OARD1: variants seen among roughly 807,000 people sequenced by gnomAD.
OARD1 encodes O-acyl-ADP-ribose deacylase 1.
A neutral mutation model predicts 19.7 loss-of-function variants in OARD1; 19 were observed. That is an observed-to-expected ratio of 0.96 (90% CI 0.67 to 1.41). OARD1 has a LOEUF of 1.41. Among genes scored for constraint, OARD1 ranks in the 40% most tolerant of loss-of-function variants. OARD1 has a pLI of 0.00. For synonymous variants in OARD1, 70 were observed against 61.8 expected, an observed-to-expected ratio of 1.13 and a Z score of -0.62; for missense variants, 190 against 183.8, an observed-to-expected ratio of 1.03 and a Z score of -0.20.
At position 41,079,305 on chromosome 6, in the gene OARD1, A is replaced by G. The variant is rs535686699; in HGVS notation, c.-41-7630T>C. ...ATTGGGTCTGATGGCTTGTGCTGAA[A>G]TGCCATGTCTAGCCCATGACCACTT... On this transcript the variant is annotated intron_variant, in intron 1 of 4. Transcript: ENST00000480585. 2.8e-5 allele frequency: 21 copies of G among 747,756 alleles called. No homozygotes were observed. The Admixed American group carries it at 2.9e-4, about 10-fold the overall frequency. The allele number at this position is 747,756 out of a possible 1,614,324, so 46.3% of individuals were successfully genotyped here.
At chr6:41,084,108 A>C in intron 1 of OARD1, 1 of 1,614,170 alleles carries the variant, frequency 6.2e-7, no homozygotes, top group East Asian at 2.2e-5. Context: ...CAACTGGCCA[A>C]CCCATCATGG....
rs187977750 is a variant in OARD1 at position 41,097,685 on chromosome 6, C to A, written c.-42+28G>T. 2.9e-3 allele frequency: 1,063 copies of A among 366,740 alleles called. 29 individuals are homozygous for A. The South Asian group carries it at 0.032, about 11-fold the overall frequency. The allele number at this position is 366,740 out of a possible 1,614,324, so 22.7% of individuals were successfully genotyped here. On this transcript the variant is annotated intron_variant, in intron 1 of 4. Transcript: ENST00000480585. ...TTCGGATGATGCAAGGAGACACATG[C>A]CACCCCAGCAGTACACAAAGCACTT... is the stretch of plus-strand genomic sequence containing the variant.
chr6:41,091,765 T>G, intron 1 of OARD1: 4 of 1,548,898 alleles, frequency 2.6e-6, no homozygotes, highest in East Asian at 2.2e-5. Flanking sequence ...CTCCTAAAAT[T>G]TATTATGTTG....
Position 41,070,074 on chromosome 6 carries a change from A to C in OARD1, c.243+2T>G, listed in dbSNP as rs1582002962. On this transcript the variant is annotated splice_donor_variant, in intron 4 of 5. Coordinates refer to ENST00000424266, the MANE Select transcript of OARD1 (RefSeq NM_001329686.2). LOFTEE classifies it high-confidence loss of function. ...AAAAAAAAGGAATTGGCCCCATCTT[A>C]CCAAGTAATATATATATCGCCCATC... is the stretch of plus-strand genomic sequence containing the variant. The C allele has an allele frequency of 6.3e-7, 1 of 1,575,648 alleles. No individual in the cohort carries two copies. The highest frequency in any genetic ancestry group is 1.1e-5 in the South Asian group (1 of 90,128).
At chr6:41,082,096 G>A (rs1251670472) in intron 1 of OARD1, among the ~76,000 whole-genome samples, 4 of 152,166 alleles carry the variant, frequency 2.6e-5, no homozygotes, top group Admixed American at 6.5e-5. Context: ...CTAGAATGTA[G>A]AACTGGCATC....
upstream of OARD1, among the ~76,000 whole-genome samples, chr6:41,074,457 T>C (rs895778276): frequency 1.3e-5 from 2 of 152,256 alleles, no homozygotes; most frequent in Non-Finnish European, 2.9e-5. Context: ...GTTCAGTTGC[T>C]GTGAAGTATC....
chr6:41,068,644 T>C (rs879034034), intron 5 of OARD1, among the ~76,000 whole-genome samples, 197 bp downstream of exon 5: 1 of 152,272 alleles, frequency 6.6e-6, no homozygotes, highest in South Asian at 2.1e-4. Flanking sequence ...TCCTGATTCA[T>C]TCAACTCAAG....
At chr6:41,097,487 A>T (rs1414088441) in intron 1 of OARD1, 2 of 1,458,802 alleles carry the variant, frequency 1.4e-6, no homozygotes, top group Non-Finnish European at 1.9e-6. Context: ...TTCCAATGGG[A>T]CATTGATGAT....
In OARD1 at chr6:41,091,447, T is replaced by C. The variant is rs556300934; in HGVS notation, c.-42+6266A>G. 15 of 1,403,406 alleles carry C rather than the reference T, an allele frequency of 1.1e-5. No individual in the cohort carries two copies. The East Asian group carries it at 1.2e-4, about 11-fold the overall frequency. The allele number at this position is 1,403,406 out of a possible 1,614,324, so 86.9% of individuals were successfully genotyped here. ...CCAGGATCGGTGAGTGTATACCAGA[T>C]AGAAGAGGGACTAACTATGTTCCCT... is the stretch of plus-strand genomic sequence containing the variant. On this transcript the variant is annotated intron_variant, in intron 1 of 4. Coordinates refer to the OARD1 transcript ENST00000480585.
chr6:41,095,284 CTCTAT>C (rs1266344454), intron 1 of OARD1, among the ~76,000 whole-genome samples: 1 of 152,196 alleles, frequency 6.6e-6, no homozygotes, highest in Non-Finnish European at 1.5e-5. Context: ...ACTTCTTGGT[CTCTAT>C]GCTGCTGTTT....
At chr6:41,080,308 A>T (rs1432963030) in intron 1 of OARD1, among the ~76,000 whole-genome samples, 2 of 149,740 alleles carry the variant, frequency 1.3e-5, no homozygotes, top group East Asian at 1.9e-4. Flanking sequence ...AATAAAGTTT[A>T]AAAAAAAAAG....
rs1450676745 is a variant in OARD1, at chr6:41,065,993, C to T, written c.*1342G>A. 3 of 152,252 alleles carry T rather than the reference C, an allele frequency of 2.0e-5. No individual in the cohort carries two copies. The highest frequency in any genetic ancestry group is 7.2e-5 in the African/African-American group (3 of 41,464). 9.4% of individuals were successfully genotyped at this position (152,252 alleles called of 1,614,324 possible). A position where few individuals can be genotyped will look rare whatever the true frequency, so the allele number is the denominator to read the frequency against. Reference sequence around the variant, plus strand: ...TAAATCCATGAACTTTATTTTCCTACCATGACCACAATAGACGACTGGTCT... The same window carrying T: ...TAAATCCATGAACTTTATTTTCCTATCATGACCACAATAGACGACTGGTCT... On this transcript the variant is annotated 3_prime_UTR_variant, in exon 6 of 6. Transcript: ENST00000424266.
At chr6:41,092,060 G>A (rs914688392) in intron 1 of OARD1, among the ~76,000 whole-genome samples, 2 of 152,256 alleles carry the variant, frequency 1.3e-5, no homozygotes, top group South Asian at 4.1e-4. Flanking sequence ...TAGAAAGATT[G>A]TAATTGATAG....
chr6:41,079,890 G>C (rs533390796), intron 1 of OARD1, among the ~76,000 whole-genome samples: 1 of 152,284 alleles, frequency 6.6e-6, no homozygotes, highest in Admixed American at 6.5e-5. Context: ...GGAAGGGAAA[G>C]GTAGTATTGA....
upstream of OARD1, among the ~76,000 whole-genome samples, chr6:41,074,982 T>C (rs532404767): frequency 1.8e-3 from 281 of 152,356 alleles, 1 homozygote; most frequent in Middle Eastern, 6.8e-3. Context: ...GTTATACAAC[T>C]AATAGGTTTC....
chr6:41,094,365 A>C, intron 1 of OARD1: 1 of 1,579,994 alleles, frequency 6.3e-7, no homozygotes, highest in Non-Finnish European at 8.7e-7. Context: ...GGATAGTATT[A>C]ATAGTTAAAT....
At chr6:41,093,201 CTTG>C (rs141861986) in intron 1 of OARD1, 16,213 of 852,602 alleles carry the variant, frequency 0.019, 208 homozygotes, top group Non-Finnish European at 0.024. Flanking sequence ...ACGTTAGATA[CTTG>C]TTGTCTCTTT....
At chr6:41,085,322 TAATAAG>T (rs1328463004) in intron 1 of OARD1, among the ~76,000 whole-genome samples, 1 of 152,216 alleles carries the variant, frequency 6.6e-6, no homozygotes, top group Non-Finnish European at 1.5e-5. Context: ...GAGTGTCCAT[TAATAAG>T]AATAAGGAAA....
At chr6:41,093,835 T>C (rs1046323418) in intron 1 of OARD1, among the ~76,000 whole-genome samples, 3 of 152,216 alleles carry the variant, frequency 2.0e-5, no homozygotes, top group Non-Finnish European at 4.4e-5. Context: ...GGAATTTAGT[T>C]ACCTGATCAC....
Sources: allele counts gnomAD v4.1 joint callset (sites outside exome capture counted in the v4.1 genomes callset), GRCh38; gene constraint gnomAD v4.1.1; transcripts MANE v1.5; gene names NCBI Gene and HGNC (gene_info 2026-07-23, HGNC 2026-07-21).